CNTN4: variants seen among roughly 807,000 people sequenced by gnomAD.
CNTN4 encodes the protein contactin 4, also known as contactin-4.
In CNTN4, 77 loss-of-function variants were observed where a neutral mutation model predicts 122.5. That is an observed-to-expected ratio of 0.63 (90% CI 0.52 to 0.76). The LOEUF (loss-of-function observed/expected upper bound fraction) is 0.76. CNTN4 is among the 30% of genes least tolerant of loss of function. CNTN4 has a pLI of 0.00. For synonymous variants in CNTN4, 512 were observed against 447.0 expected (o/e 1.15, Z -1.83); for missense variants, 1,256 against 1,259.1 (o/e 1.00, Z 0.04).
At chr3:2,158,952 G>T (rs1483308027) in intron 2 of CNTN4, among the ~76,000 whole-genome samples, 1 of 152,134 alleles carries the variant, frequency 6.6e-6, no homozygotes, top group African/African-American at 2.4e-5. Flanking sequence ...GGCTAGACAG[G>T]ACATACCTGT....
intron 2 of CNTN4, among the ~76,000 whole-genome samples, chr3:2,334,170 G>A (rs1024009534): frequency 6.6e-6 from 1 of 151,966 alleles, no homozygotes; most frequent in African/African-American, 2.4e-5. Flanking sequence ...ATCTATTATT[G>A]TTATTGAGAT....
At chr3:2,960,539 T>A (rs2094842065) in intron 13 of CNTN4, among the ~76,000 whole-genome samples, 1 of 152,194 alleles carries the variant, frequency 6.6e-6, no homozygotes, top group African/African-American at 2.4e-5. Context: ...AGAAGGGGAA[T>A]GTGTACTTTA....
chr3:2,220,133 T>C (rs897853203), intron 2 of CNTN4, among the ~76,000 whole-genome samples: 9 of 152,202 alleles, frequency 5.9e-5, no homozygotes, highest in Admixed American at 1.3e-4. Flanking sequence ...TTACTTTCAC[T>C]GAAACCCTTC....
chr3:2,625,259 C>T (rs1215394130), intron 4 of CNTN4, among the ~76,000 whole-genome samples: 1 of 152,144 alleles, frequency 6.6e-6, no homozygotes, highest in Non-Finnish European at 1.5e-5. Flanking sequence ...CAAGAGCAGA[C>T]TTCTGGGACC....
At chr3:2,857,058 G>A (rs1428499797) in intron 7 of CNTN4, among the ~76,000 whole-genome samples, 2 of 152,174 alleles carry the variant, frequency 1.3e-5, no homozygotes, top group African/African-American at 2.4e-5. Context: ...TATGGAATTC[G>A]AATCCACAGG....
chr3:2,748,985 A>G (rs1299202337), intron 6 of CNTN4, among the ~76,000 whole-genome samples: 2 of 152,090 alleles, frequency 1.3e-5, no homozygotes, highest in Admixed American at 1.3e-4. Context: ...GATCTTTCAC[A>G]CAGCTGACTT....
rs138661218 is a variant in CNTN4, at chr3:2,772,293, A to G, written c.358+26596A>G. 1.2e-3 allele frequency among the ~76,000 whole-genome samples: 184 copies of G among 151,390 alleles called. 1 individual carries two copies. The highest frequency in any genetic ancestry group is 4.3e-3 in the African/African-American group (175 of 41,142). ...TCCAATATCGCAGGCAAGAAATAAT[A>G]AGAGTCTATCCTAAGACAAAGGCAG... On this transcript the variant is annotated intron_variant, in intron 6 of 24. Coordinates refer to ENST00000418658, the MANE Select transcript of CNTN4 (RefSeq NM_175607.3).
intron 3 of CNTN4, among the ~76,000 whole-genome samples, chr3:2,384,534 T>G (rs1386009853): frequency 6.6e-6 from 1 of 152,244 alleles, no homozygotes; most frequent in Non-Finnish European, 1.5e-5. Context: ...TCTAACACAA[T>G]AGATTGGGAA....
intron 5 of CNTN4, among the ~76,000 whole-genome samples, chr3:2,745,265 A>G (rs1452606803): frequency 6.6e-6 from 1 of 152,224 alleles, no homozygotes; most frequent in Non-Finnish European, 1.5e-5. Context: ...TTGTAGCATC[A>G]TAAGTAGTCA....
At chr3:2,172,165 C>G (rs551794939) in intron 2 of CNTN4, among the ~76,000 whole-genome samples, 1 of 151,900 alleles carries the variant, frequency 6.6e-6, no homozygotes, top group Admixed American at 6.6e-5. Flanking sequence ...TGATTGCAAA[C>G]CAAAGAGTGG....
chr3:2,661,988 G>A (rs2083920876), intron 4 of CNTN4, among the ~76,000 whole-genome samples: 1 of 152,052 alleles, frequency 6.6e-6, no homozygotes, highest in African/African-American at 2.4e-5. Flanking sequence ...CCTTCCTGCA[G>A]AGCAGATATC....
At chr3:2,272,337 A>G (rs2041331436) in intron 2 of CNTN4, among the ~76,000 whole-genome samples, 1 of 152,118 alleles carries the variant, frequency 6.6e-6, no homozygotes, top group Non-Finnish European at 1.5e-5. Context: ...GAATTTTTAT[A>G]TGCACCATTT....
At chr3:2,311,247 A>G (rs2042904049) in intron 2 of CNTN4, among the ~76,000 whole-genome samples, 1 of 152,136 alleles carries the variant, frequency 6.6e-6, no homozygotes, top group South Asian at 2.1e-4. Context: ...AAAGTAAAGC[A>G]TTGCAGATTG....
intron 4 of CNTN4, among the ~76,000 whole-genome samples, chr3:2,651,592 T>G (rs1053788338): frequency 7.2e-5 from 11 of 152,296 alleles, no homozygotes; most frequent in South Asian, 2.1e-4. Flanking sequence ...GGCTCATACC[T>G]GTACTCCCAG....
intron 3 of CNTN4, among the ~76,000 whole-genome samples, chr3:2,509,185 T>G (rs1016107879): frequency 7.2e-5 from 11 of 152,340 alleles, no homozygotes; most frequent in East Asian, 1.9e-4. Context: ...AGCAATATGT[T>G]TGCTAATATG....
At chr3:2,705,074 T>C (rs1482254351) in intron 4 of CNTN4, among the ~76,000 whole-genome samples, 1 of 151,788 alleles carries the variant, frequency 6.6e-6, no homozygotes, top group African/African-American at 2.4e-5. Flanking sequence ...TTGTTATTTA[T>C]TAATTCCAAA....
intron 3 of CNTN4, among the ~76,000 whole-genome samples, chr3:2,398,679 A>T (rs1442141056): frequency 6.6e-6 from 1 of 152,176 alleles, no homozygotes; most frequent in African/African-American, 2.4e-5. Context: ...AAACAAAATT[A>T]TCTTGATAAG....
At chr3:2,641,596 G>A (rs1288328754) in intron 4 of CNTN4, among the ~76,000 whole-genome samples, 1 of 152,108 alleles carries the variant, frequency 6.6e-6, no homozygotes, top group Admixed American at 6.5e-5. Flanking sequence ...CTGTTCAGTG[G>A]ATGTGTTTGT....
At chr3:2,256,234 A>G (rs2040585235) in intron 2 of CNTN4, among the ~76,000 whole-genome samples, 1 of 152,206 alleles carries the variant, frequency 6.6e-6, no homozygotes, top group African/African-American at 2.4e-5. Context: ...TCCCAAGACT[A>G]AACCAGGAAG....
Sources: gnomAD v4.1 joint callset for allele counts (sites outside exome capture counted in the v4.1 genomes callset) on GRCh38, gnomAD v4.1.1 for gene constraint, MANE v1.5 for transcripts, NCBI Gene and HGNC (gene_info 2026-07-23, HGNC 2026-07-21) for gene names.